Variants in SLC27A2 observed in about 807,000 individuals in gnomAD.
SLC27A2 encodes solute carrier family 27 member 2.
In SLC27A2, 54 loss-of-function variants were observed where a neutral mutation model predicts 60.0. That is an observed-to-expected ratio of 0.90 (90% confidence interval 0.72 to 1.13). The LOEUF (loss-of-function observed/expected upper bound fraction) is 1.13. Ranked by LOEUF, SLC27A2 falls within the 50% of genes most tolerant of loss-of-function variation. The probability of loss-of-function intolerance (pLI) is 0.00; values close to 1 mark genes in which losing one functional copy is unlikely to be tolerated. For synonymous variants in SLC27A2, 297 were observed against 297.6 expected (o/e 1.00, Z 0.02); for missense variants, 739 against 777.6 (o/e 0.95, Z 0.59).
chr15:50,182,351 G>C lies in SLC27A2; in HGVS notation c.-77G>C. 1 of 1,395,808 alleles carries C rather than the reference G, an allele frequency of 7.2e-7. No individual in the cohort carries two copies. The highest frequency in any genetic ancestry group is 9.3e-7 in the Non-Finnish European group (1 of 1,076,818). The allele number at this position is 1,395,808 out of a possible 1,614,324, so 86.5% of individuals were successfully genotyped here. The stretch of plus-strand genomic sequence containing the variant: ...CCGGCGCAGCCCGCCAGTCCGCCCG[G>C]AGCCCGCCCAGTCGCCGCGCTGCAC... On this transcript the variant is annotated 5_prime_UTR_variant, in exon 1 of 10. Transcript: ENST00000267842.
chr15:50,208,407 A>G (rs899335817), intron 4 of SLC27A2, among the ~76,000 whole-genome samples: 2 of 152,192 alleles, frequency 1.3e-5, no homozygotes, highest in Non-Finnish European at 1.5e-5. Flanking sequence ...GGAGCAGGAT[A>G]GTTAACCTCT....
chr15:50,234,014 A>G lies in SLC27A2; in HGVS notation c.1686+16A>G. The G allele has an allele frequency of 6.3e-7, 1 of 1,594,836 alleles. No homozygotes were observed. Among genetic ancestry groups the G allele is most frequent in the Non-Finnish European group, 8.6e-7 (1 of 1,168,734 alleles). Reference sequence around the variant, plus strand: ...AAGAATACAGGTGAGATCTCTTATTATCCAGTTCAATGATCTGTCCTCTTG... The same window carrying G: ...AAGAATACAGGTGAGATCTCTTATTGTCCAGTTCAATGATCTGTCCTCTTG... On this transcript the variant is annotated intron_variant, in intron 9 of 9. Transcript: ENST00000267842.
intron 4 of SLC27A2, among the ~76,000 whole-genome samples, chr15:50,222,711 A>C (rs2045251894): frequency 6.6e-6 from 1 of 152,184 alleles, no homozygotes; most frequent in Non-Finnish European, 1.5e-5. Flanking sequence ...AAAATGGGAG[A>C]ATTCACATGT....
chr15:50,219,432 CT>C (rs1430198166), intron 4 of SLC27A2, among the ~76,000 whole-genome samples: 1 of 151,244 alleles, frequency 6.6e-6, no homozygotes, highest in African/African-American at 2.4e-5. Context: ...GCTTTTTTTC[CT>C]TTTTTCTTTT....
intron 4 of SLC27A2, among the ~76,000 whole-genome samples, chr15:50,213,710 C>A (rs759377493): frequency 9.9e-5 from 15 of 152,106 alleles, no homozygotes; most frequent in Admixed American, 9.8e-4. Context: ...CCTGAATGAG[C>A]ATTGGGTCAA....
intron 3 of SLC27A2, among the ~76,000 whole-genome samples, chr15:50,204,802 GTGTGTGTGTATATATATAATATATATGTA>G (rs1198820436): frequency 7.7e-6 from 1 of 129,962 alleles, no homozygotes; most frequent in Non-Finnish European, 1.6e-5. Context: ...ATATATGTAT[GTGTGTGTGTATATATATAATATATATGTA>G]TGTGTGTGTA....
At chr15:50,224,556 C>G (rs1306380937) in intron 5 of SLC27A2, among the ~76,000 whole-genome samples, 1 of 152,168 alleles carries the variant, frequency 6.6e-6, no homozygotes, top group Admixed American at 6.5e-5. Flanking sequence ...CACTCTATTT[C>G]TTATATTCTG....
intron 1 of SLC27A2, among the ~76,000 whole-genome samples, chr15:50,190,735 C>T (rs1226888374): frequency 6.6e-6 from 1 of 151,952 alleles, no homozygotes; most frequent in Non-Finnish European, 1.5e-5. Context: ...GATTTTTCAA[C>T]ACCCAAGTGT....
At chr15:50,208,696 C>G (rs2140905250) in intron 4 of SLC27A2, among the ~76,000 whole-genome samples, 1 of 152,326 alleles carries the variant, frequency 6.6e-6, no homozygotes. Flanking sequence ...TAGTTAATCA[C>G]TCTCATCTGA....
At chr15:50,202,208 A>G (rs1328373105) in intron 2 of SLC27A2, among the ~76,000 whole-genome samples, 2 of 152,196 alleles carry the variant, frequency 1.3e-5, no homozygotes, top group Non-Finnish European at 2.9e-5. Flanking sequence ...TTTTATTGGA[A>G]CACAGCCACA....
intron 4 of SLC27A2, among the ~76,000 whole-genome samples, chr15:50,222,154 C>A (rs2045247402): frequency 6.6e-6 from 1 of 152,192 alleles, no homozygotes; most frequent in African/African-American, 2.4e-5. Context: ...GTCCTTACAC[C>A]CAAAACAGAC....
At chr15:50,211,860 G>A (rs189893270) in intron 4 of SLC27A2, among the ~76,000 whole-genome samples, 8 of 151,668 alleles carry the variant, frequency 5.3e-5, no homozygotes, top group South Asian at 2.1e-4. Context: ...TCACAAGGTC[G>A]GGAGATTGAG....
At chr15:50,207,461 C>CA (rs561530785) in intron 4 of SLC27A2, among the ~76,000 whole-genome samples, 3 of 150,290 alleles carry the variant, frequency 2.0e-5, no homozygotes, top group South Asian at 2.1e-4. Context: ...AAAGTTATCT[C>CA]AAAAAAAAAC....
chr15:50,226,367 A>G (rs2045278513), intron 6 of SLC27A2, among the ~76,000 whole-genome samples: 1 of 152,202 alleles, frequency 6.6e-6, no homozygotes, highest in African/African-American at 2.4e-5. Context: ...GGTGGCCTTT[A>G]CCTTTAAGCT....
At chr15:50,209,068 G>A (rs185448359) in intron 4 of SLC27A2, among the ~76,000 whole-genome samples, 78 of 152,252 alleles carry the variant, frequency 5.1e-4, no homozygotes, top group Non-Finnish European at 8.4e-4. Context: ...GAGTGTGGGA[G>A]GAGGAAGACA....
chr15:50,224,451 A>G (rs1435512863), intron 5 of SLC27A2, among the ~76,000 whole-genome samples: 4 of 152,202 alleles, frequency 2.6e-5, no homozygotes, highest in Non-Finnish European at 5.9e-5. Flanking sequence ...AAAAAAAGAA[A>G]GGATTAAATA....
chr15:50,219,588 C>T (rs571625783), intron 4 of SLC27A2, among the ~76,000 whole-genome samples: 4 of 152,250 alleles, frequency 2.6e-5, no homozygotes, highest in African/African-American at 9.6e-5. Context: ...CTTGGAGCAA[C>T]CGTTTTGCTA....
At chr15:50,213,464 T>C (rs950751448) in intron 4 of SLC27A2, among the ~76,000 whole-genome samples, 2 of 152,166 alleles carry the variant, frequency 1.3e-5, no homozygotes, top group African/African-American at 4.8e-5. Context: ...ACTTAACAGA[T>C]ATATACAGAA....
rs1567437272 is a variant in SLC27A2 at position 50,226,013 on chromosome 15, A to T, written c.1193A>T (p.Lys398Ile). ...QKKIITYDLI[K>I]YDVEKDEPVR... Reference sequence around the variant, plus strand: ...AAAATCATAACTTATGACCTGATTAAATATGATGTGGAGAAAGATGAACCT... The same window carrying T: ...AAAATCATAACTTATGACCTGATTATATATGATGTGGAGAAAGATGAACCT... Residue 398 changes from lysine to isoleucine, a missense_variant, in exon 6 of 10, where the codon AAA becomes ATA. Transcript: ENST00000267842. The T allele has an allele frequency of 6.2e-7, 1 of 1,604,724 alleles. No individual in the cohort carries two copies. Among genetic ancestry groups the T allele is most frequent in the Non-Finnish European group, 8.5e-7 (1 of 1,171,508 alleles).
Sources: gnomAD v4.1 joint callset for allele counts (sites outside exome capture counted in the v4.1 genomes callset) on GRCh38, gnomAD v4.1.1 for gene constraint, MANE v1.5 for transcripts, NCBI Gene and HGNC (gene_info 2026-07-23, HGNC 2026-07-21) for gene names.